The following NR3C2 variants were observed in gnomAD, a reference collection of about 807,000 sequenced individuals.
The protein encoded by NR3C2 is nuclear receptor subfamily 3 group C member 2.
NR3C2 carries 15 observed loss-of-function variants against 86.4 expected under a neutral mutation model. The ratio of observed to expected loss-of-function variants is 0.17; its 90% CI spans 0.12 to 0.27. NR3C2 has a LOEUF of 0.27. Among genes scored for constraint, NR3C2 ranks in the 10% least tolerant of loss-of-function variants. The pLI is 1.00. For missense variants in NR3C2, 960 were observed against 1,195.6 expected (o/e 0.80, Z 2.91); for synonymous variants, 458 against 450.5 (o/e 1.02, Z -0.21).
intron 3 of NR3C2, chr4:148,200,906 A>G (rs965831813): frequency 6.6e-6 from 1 of 152,198 alleles, no homozygotes; most frequent in Admixed American, 6.5e-5. Flanking sequence ...AAATGATTCT[A>G]ACTTCAATTT....
chr4:148,318,094 C>A (rs1238443151), intron 2 of NR3C2, among the ~76,000 whole-genome samples: 4 of 146,410 alleles, frequency 2.7e-5, no homozygotes, highest in Non-Finnish European at 6.0e-5. Context: ...TCTTACTGTT[C>A]AATTCCCACC....
chr4:148,370,891 C>T (rs535772080), intron 2 of NR3C2, among the ~76,000 whole-genome samples: 114 of 152,134 alleles, frequency 7.5e-4, no homozygotes, highest in African/African-American at 2.6e-3. Flanking sequence ...TCTCTCTATT[C>T]CCCACCCAGC....
chr4:148,110,064 A>C (rs1731982826), intron 8 of NR3C2, among the ~76,000 whole-genome samples: 1 of 152,234 alleles, frequency 6.6e-6, no homozygotes, highest in South Asian at 2.1e-4. Context: ...TATATGCTTT[A>C]CATATGACAC....
At chr4:148,117,198 A>C (rs749348501) in intron 7 of NR3C2, among the ~76,000 whole-genome samples, 40 of 152,234 alleles carry the variant, frequency 2.6e-4, no homozygotes, top group Middle Eastern at 3.4e-3. Flanking sequence ...AACTAGAGAG[A>C]ACATGCCCTG....
At chr4:148,312,264 C>A (rs1742939192) in intron 2 of NR3C2, among the ~76,000 whole-genome samples, 1 of 150,606 alleles carries the variant, frequency 6.6e-6, no homozygotes, top group African/African-American at 2.5e-5. Flanking sequence ...CATCATTTCC[C>A]AATTATTTTA....
At chr4:148,237,761 A>C (rs978932670) in intron 3 of NR3C2, among the ~76,000 whole-genome samples, 1 of 152,128 alleles carries the variant, frequency 6.6e-6, no homozygotes, top group South Asian at 2.1e-4. Flanking sequence ...ATGGTTTATA[A>C]TAGGTGAATA....
chr4:148,312,745 T>C (rs1742964936), intron 2 of NR3C2, among the ~76,000 whole-genome samples: 1 of 152,196 alleles, frequency 6.6e-6, no homozygotes, highest in Admixed American at 6.5e-5. Flanking sequence ...AACTTAGCTA[T>C]ATTGGCATTT....
intron 3 of NR3C2, among the ~76,000 whole-genome samples, chr4:148,246,476 T>C (rs1320281680): frequency 2.0e-5 from 3 of 152,226 alleles, no homozygotes; most frequent in Non-Finnish European, 4.4e-5. Context: ...CACATTCTTC[T>C]TGTAGTCCAG....
intron 8 of NR3C2, among the ~76,000 whole-genome samples, chr4:148,102,255 C>T (rs1423142488): frequency 6.6e-6 from 1 of 152,206 alleles, no homozygotes; most frequent in Non-Finnish European, 1.5e-5. Flanking sequence ...TTGAGCTGCA[C>T]CAACAGCTGG....
chr4:148,142,818 C>A (rs1312741800), intron 6 of NR3C2, among the ~76,000 whole-genome samples: 1 of 152,108 alleles, frequency 6.6e-6, no homozygotes, highest in African/African-American at 2.4e-5. Context: ...GATTTCGAAT[C>A]GATGGTTTAG....
At chr4:148,243,501 C>T (rs1209173362) in intron 3 of NR3C2, among the ~76,000 whole-genome samples, 1 of 152,178 alleles carries the variant, frequency 6.6e-6, no homozygotes, top group East Asian at 1.9e-4. Flanking sequence ...AATATGCTTT[C>T]GAGTTCCATT....
intron 3 of NR3C2, among the ~76,000 whole-genome samples, chr4:148,247,907 A>T (rs1319804122): frequency 6.6e-6 from 1 of 151,972 alleles, no homozygotes. Context: ...GTGTGATCTG[A>T]CCTCAGTCAC....
intron 6 of NR3C2, among the ~76,000 whole-genome samples, chr4:148,137,545 C>T (rs922068919): frequency 6.6e-6 from 1 of 152,070 alleles, no homozygotes; most frequent in Non-Finnish European, 1.5e-5. Context: ...TTTGATTTTC[C>T]GGCATCTGAT....
chr4:148,125,842 A>G (rs914584927), intron 6 of NR3C2, among the ~76,000 whole-genome samples: 3 of 152,258 alleles, frequency 2.0e-5, no homozygotes, highest in Non-Finnish European at 4.4e-5. Context: ...ACAGATTTGC[A>G]TATGATGATG....
chr4:148,225,861 TG>T (rs1488616283), intron 3 of NR3C2, among the ~76,000 whole-genome samples: 2 of 152,178 alleles, frequency 1.3e-5, no homozygotes, highest in African/African-American at 2.4e-5. Context: ...GGCACTCGAC[TG>T]TATCACTCAC....
chr4:148,274,987 C>T (rs943341994), intron 2 of NR3C2, among the ~76,000 whole-genome samples: 1 of 152,016 alleles, frequency 6.6e-6, no homozygotes, highest in Non-Finnish European at 1.5e-5. Context: ...CATGAGCCAC[C>T]GCACCTGGCC....
At chr4:148,300,894 C>T (rs146669934) in intron 2 of NR3C2, among the ~76,000 whole-genome samples, 45 of 152,196 alleles carry the variant, frequency 3.0e-4, no homozygotes, top group South Asian at 8.3e-4. Flanking sequence ...TCTTAATGCA[C>T]GAATGAGAGG....
intron 4 of NR3C2, among the ~76,000 whole-genome samples, chr4:148,169,368 A>G (rs1204910428): frequency 6.6e-6 from 1 of 152,124 alleles, no homozygotes; most frequent in Admixed American, 6.5e-5. Flanking sequence ...CTCTCAAACA[A>G]CTTCTTCTGA....
At chr4:148,267,051 T>C (rs1053090636) in intron 2 of NR3C2, among the ~76,000 whole-genome samples, 1 of 152,186 alleles carries the variant, frequency 6.6e-6, no homozygotes, top group Admixed American at 6.5e-5. Context: ...AACAGAATTA[T>C]AGTCTACCCA....
Sources: gnomAD v4.1 joint callset for allele counts (sites outside exome capture counted in the v4.1 genomes callset) on GRCh38, gnomAD v4.1.1 for gene constraint, MANE v1.5 for transcripts, NCBI Gene and HGNC (gene_info 2026-07-23, HGNC 2026-07-21) for gene names.